Variants in PCDHA1 observed in about 807,000 individuals in gnomAD.
PCDHA1 encodes protocadherin alpha-1.
A neutral mutation model predicts 61.3 loss-of-function variants in PCDHA1; 42 were observed. The observed-to-expected ratio is 0.69, with a 90% CI of 0.54 to 0.89. The LOEUF is 0.89. PCDHA1 is among the 40% of genes least tolerant of loss of function. The pLI is 0.00. For missense variants in PCDHA1, 1,256 were observed against 1,235.3 expected, an observed-to-expected ratio of 1.02 and a Z score of -0.25; for synonymous variants, 610 against 553.8, an observed-to-expected ratio of 1.10 and a Z score of -1.43.
chr5:140,926,903 G>GT, intron 1 of PCDHA1: 1 of 1,558,060 alleles, frequency 6.4e-7, no homozygotes, highest in Non-Finnish European at 8.7e-7. Context: ...ATGGTGGGCT[G>GT]TGGGGTGGCA....
chr5:140,860,192 C>CATATATATATATATATATAT (rs143984774), intron 1 of PCDHA1: 1 of 146,816 alleles, frequency 6.8e-6, no homozygotes, highest in African/African-American at 2.5e-5. Context: ...GCTCTCCTTA[C>CATATATATATATATATATAT]ATATATATCT....
At chr5:140,791,475 A>AT (rs1761652666) in intron 1 of PCDHA1, among the ~76,000 whole-genome samples, 3 of 152,234 alleles carry the variant, frequency 2.0e-5, no homozygotes, top group Non-Finnish European at 4.4e-5. Context: ...AAGAAATAAA[A>AT]TTATGTTTAT....
chr5:140,796,260 G>A (rs1554119795), intron 1 of PCDHA1: 4 of 1,613,976 alleles, frequency 2.5e-6, no homozygotes, highest in Middle Eastern at 1.6e-4. Context: ...ACGGGGGCTC[G>A]CCTTCACTGT....
intron 3 of PCDHA1, among the ~76,000 whole-genome samples, chr5:140,985,216 C>G (rs1009954667): frequency 1.3e-5 from 2 of 152,186 alleles, no homozygotes; most frequent in Non-Finnish European, 2.9e-5. Flanking sequence ...GGATTACAGG[C>G]GTGAGCCACC....
At chr5:140,928,656 T>C in intron 1 of PCDHA1, 1 of 1,614,232 alleles carries the variant, frequency 6.2e-7, no homozygotes, top group Middle Eastern at 1.6e-4. Flanking sequence ...CAGAGGATGC[T>C]GACAGTGGTT....
At chr5:140,991,320 A>G (rs1563572656) in intron 3 of PCDHA1, among the ~76,000 whole-genome samples, 1 of 152,216 alleles carries the variant, frequency 6.6e-6, no homozygotes, top group Non-Finnish European at 1.5e-5. Context: ...CGCATGATAC[A>G]TGAAGGGAAT....
chr5:140,996,837 G>A (rs1382866699), intron 3 of PCDHA1, among the ~76,000 whole-genome samples: 7 of 151,992 alleles, frequency 4.6e-5, no homozygotes, highest in African/African-American at 7.3e-5. Flanking sequence ...ATAATTTAGC[G>A]TGCATCTTCA....
intron 1 of PCDHA1, among the ~76,000 whole-genome samples, chr5:140,889,028 C>T (rs1015343865): frequency 4.0e-5 from 6 of 151,754 alleles, no homozygotes; most frequent in African/African-American, 7.3e-5. Flanking sequence ...CTTGGATAAC[C>T]GTAATTTGAT....
At chr5:140,834,646 C>G (rs17844305) in intron 1 of PCDHA1, 112,077 of 1,614,172 alleles carry the variant, frequency 0.069, 4,265 homozygotes, top group Admixed American at 0.079. Flanking sequence ...TTTGTGAATT[C>G]TCGGATCGAC....
intron 1 of PCDHA1, chr5:140,802,100 A>C (rs1762846843): frequency 6.2e-7 from 1 of 1,614,116 alleles, no homozygotes; most frequent in African/African-American, 1.3e-5. Context: ...TCAATGGACA[A>C]ATCAGTGTAA....
chr5:140,827,448 A>G (rs1554130791), intron 1 of PCDHA1, among the ~76,000 whole-genome samples: 1 of 152,248 alleles, frequency 6.6e-6, no homozygotes, highest in African/African-American at 2.4e-5. Flanking sequence ...ACACAGAAGA[A>G]CCTTAAGAGC....
chr5:140,985,465 A>T (rs1195143465), intron 3 of PCDHA1, among the ~76,000 whole-genome samples: 1 of 152,126 alleles, frequency 6.6e-6, no homozygotes, highest in Non-Finnish European at 1.5e-5. Flanking sequence ...TGCTCCAAAA[A>T]ATTTGGTTGT....
At chr5:140,819,668 T>G (rs1385030573) in intron 1 of PCDHA1, among the ~76,000 whole-genome samples, 1 of 152,088 alleles carries the variant, frequency 6.6e-6, no homozygotes, top group Non-Finnish European at 1.5e-5. Flanking sequence ...AAATAAGAGT[T>G]GATCACTGTA....
intron 1 of PCDHA1, among the ~76,000 whole-genome samples, chr5:140,798,109 TG>T (rs1235759253): frequency 2.0e-5 from 3 of 152,160 alleles, no homozygotes; most frequent in African/African-American, 7.2e-5. Context: ...TGGCCTCAAG[TG>T]ATCCACCCTC....
chr5:140,817,426 G>A (rs1403987621), intron 1 of PCDHA1: 1 of 152,220 alleles, frequency 6.6e-6, no homozygotes, highest in Non-Finnish European at 1.5e-5. Flanking sequence ...TATACCTGTG[G>A]AGGGTCTGGG....
intron 1 of PCDHA1, chr5:140,864,231 T>C (rs949424981): frequency 6.6e-6 from 1 of 152,222 alleles, no homozygotes; most frequent in East Asian, 1.9e-4. Flanking sequence ...AAGCAAGTTC[T>C]TTATTCCTAT....
intron 1 of PCDHA1, chr5:140,882,711 C>T (rs1554175311): frequency 6.2e-7 from 1 of 1,614,160 alleles, no homozygotes; most frequent in Non-Finnish European, 8.5e-7. Context: ...TCTAGACCTC[C>T]GGAAACTCGA....
At position 140,929,511 on chromosome 5, in the gene PCDHA1, G is replaced by A. The variant is rs113234119; in HGVS notation, c.2395-49438G>A. On this transcript the variant is annotated intron_variant, in intron 1 of 3. Coordinates refer to ENST00000504120, the MANE Select transcript of PCDHA1 (RefSeq NM_018900.4). ...TTAGAAGATTGCCCTAGGCCTCAAG[G>A]GACTTATAGTTTATTTTTGAGAAAC... 1,947 of 781,082 alleles carry A rather than the reference G, an allele frequency of 2.5e-3. 24 individuals carry two copies. The African/African-American group carries it at 0.032, about 13-fold the overall frequency. 48.4% of individuals were successfully genotyped at this position (781,082 alleles called of 1,614,324 possible).
rs57893927 is a variant in PCDHA1 at position 140,946,631 on chromosome 5, T to TATATATATATATACACAC, written c.2395-32317_2395-32316insTATATATATATACACACA. ...TGTGAAATATATATATATATATATA[T>TATATATATATATACACAC]ACAATGGAATACTCATCAGCCATTA... On this transcript the variant is annotated intron_variant, in intron 1 of 3. Transcript: ENST00000504120. Among the ~76,000 whole-genome samples the TATATATATATATACACAC allele has an allele frequency of 9.9e-5, 13 of 131,856 alleles. 1 individual carries two copies. The East Asian group carries it at 2.7e-3, about 27-fold the overall frequency. 86.5% of individuals were successfully genotyped at this position (131,856 alleles called of 152,430 possible). A position where few individuals can be genotyped will look rare whatever the true frequency, so the allele number is the denominator to read the frequency against.
Sources: gnomAD v4.1 joint callset for allele counts (sites outside exome capture counted in the v4.1 genomes callset) on GRCh38, gnomAD v4.1.1 for gene constraint, MANE v1.5 for transcripts, NCBI Gene and HGNC (gene_info 2026-07-23, HGNC 2026-07-21) for gene names.